The following PSMD14 variants were observed in gnomAD, a reference collection of about 807,000 sequenced individuals.
PSMD14 encodes ubiquitin C-terminal hydrolase PSMD14.
Under a neutral mutation model 41.2 loss-of-function variants are expected in PSMD14, and 7 were observed. That is an observed-to-expected ratio of 0.17 (90% CI 0.10 to 0.32). The LOEUF is 0.32. Among genes scored for constraint, PSMD14 ranks in the 10% least tolerant of loss-of-function variants. The pLI is 1.00. For synonymous variants in PSMD14, 114 were observed against 122.3 expected, an observed-to-expected ratio of 0.93 and a Z score of 0.45; for missense variants, 139 against 375.6, an observed-to-expected ratio of 0.37 and a Z score of 5.21.
intron 10 of PSMD14, among the ~76,000 whole-genome samples, chr2:161,400,525 A>G (rs2105270550): frequency 6.6e-6 from 1 of 152,284 alleles, no homozygotes; most frequent in East Asian, 1.9e-4. Flanking sequence ...TTTGAAAAAA[A>G]CCTCAAACTG....
intron 3 of PSMD14, among the ~76,000 whole-genome samples, chr2:161,343,335 C>T (rs149629704): frequency 1.1e-4 from 17 of 152,294 alleles, no homozygotes; most frequent in Admixed American, 2.0e-4. Flanking sequence ...CATTTTGTGA[C>T]TGGCCTAGCA....
chr2:161,389,912 T>TTTTTTTTTTTTTTA lies in PSMD14; in HGVS notation c.571-1192_571-1191insTTTTTTTTTTTTTA, dbSNP rs1299369817. ...TTGTTTTTTTTTTTTTTTTTTTTTTTAGAGATGGGGTATTGCTATGTTGTC... is the reference window on the plus strand; with the variant it reads ...TTGTTTTTTTTTTTTTTTTTTTTTTTTTTTTTTTTTTTTAAGAGATGGGGTATTGCTATGTTGTC... On this transcript the variant is annotated intron_variant, in intron 8 of 11. Transcript: ENST00000409682. Among the ~76,000 whole-genome samples, 7 of 130,286 alleles carry TTTTTTTTTTTTTTA rather than the reference T, an allele frequency of 5.4e-5. 1 individual carries two copies. Among genetic ancestry groups the TTTTTTTTTTTTTTA allele is most frequent in the African/African-American group, 2.3e-4 (7 of 30,572 alleles). The allele number at this position is 130,286 out of a possible 152,430, so 85.5% of individuals were successfully genotyped here.
chr2:161,375,715 T>C (rs1016288677), intron 7 of PSMD14, among the ~76,000 whole-genome samples: 4 of 151,816 alleles, frequency 2.6e-5, no homozygotes, highest in Non-Finnish European at 4.4e-5. Flanking sequence ...CTTTGGAGAA[T>C]AAATACAAAT....
intron 10 of PSMD14, among the ~76,000 whole-genome samples, chr2:161,405,373 C>CT (rs1353997522): frequency 6.6e-6 from 1 of 152,166 alleles, no homozygotes; most frequent in Non-Finnish European, 1.5e-5. Context: ...GTGCACACTC[C>CT]TTTTTTGTAT....
intron 9 of PSMD14, among the ~76,000 whole-genome samples, chr2:161,391,580 TTTTGTTTG>T (rs555585544): frequency 8.1e-4 from 123 of 152,150 alleles, no homozygotes; most frequent in African/African-American, 2.8e-3. Flanking sequence ...GTGTAGTGCT[TTTTGTTTG>T]TTTGTTTGTT....
intron 10 of PSMD14, among the ~76,000 whole-genome samples, chr2:161,402,902 A>G (rs1683899279): frequency 6.6e-6 from 1 of 152,194 alleles, no homozygotes; most frequent in Non-Finnish European, 1.5e-5. Context: ...AAATAATGAA[A>G]AATAACAAGT....
intron 3 of PSMD14, among the ~76,000 whole-genome samples, chr2:161,320,212 G>A (rs1414524323): frequency 1.3e-5 from 2 of 152,200 alleles, no homozygotes; most frequent in African/African-American, 4.8e-5. Context: ...AGGTGAAGAT[G>A]TTGCCTTAGA....
At chr2:161,399,878 CAAA>C (rs1252669954) in intron 10 of PSMD14, among the ~76,000 whole-genome samples, 1 of 152,054 alleles carries the variant, frequency 6.6e-6, no homozygotes, top group Non-Finnish European at 1.5e-5. Context: ...TAAAATTTCA[CAAA>C]AACATACAGA....
At chr2:161,365,322 CAGT>C (rs1294561834) in intron 3 of PSMD14, among the ~76,000 whole-genome samples, 1 of 152,122 alleles carries the variant, frequency 6.6e-6, no homozygotes, top group Non-Finnish European at 1.5e-5. Context: ...CATTGGCTTG[CAGT>C]AGTACCTTAA....
intron 3 of PSMD14, among the ~76,000 whole-genome samples, chr2:161,323,509 A>G (rs1162045731): frequency 6.6e-6 from 1 of 152,170 alleles, no homozygotes; most frequent in Non-Finnish European, 1.5e-5. Context: ...CTAAAAGTAC[A>G]AAAATCACCT....
At chr2:161,329,375 A>G (rs1682753424) in intron 3 of PSMD14, among the ~76,000 whole-genome samples, 2 of 152,162 alleles carry the variant, frequency 1.3e-5, no homozygotes, top group East Asian at 1.9e-4. Context: ...TGCTATAAGC[A>G]CTGGCATAGT....
chr2:161,366,257 C>A (rs1296503238), intron 3 of PSMD14, among the ~76,000 whole-genome samples: 1 of 151,866 alleles, frequency 6.6e-6, no homozygotes, highest in Non-Finnish European at 1.5e-5. Context: ...TTGATTTTTC[C>A]CACCACTTTG....
At chr2:161,315,587 T>C (rs185997176) in intron 1 of PSMD14, among the ~76,000 whole-genome samples, 15 of 152,272 alleles carry the variant, frequency 9.9e-5, no homozygotes, top group African/African-American at 3.6e-4. Flanking sequence ...GTAATAACTA[T>C]AATTTTTTTC....
chr2:161,409,744 C>T (rs1203816025), intron 11 of PSMD14: 1 of 151,978 alleles, frequency 6.6e-6, no homozygotes, highest in Non-Finnish European at 1.5e-5. Context: ...GCAGTAGGGG[C>T]AAAGGTCTGA....
chr2:161,386,321 G>A (rs1683635131), intron 8 of PSMD14, among the ~76,000 whole-genome samples: 1 of 151,768 alleles, frequency 6.6e-6, no homozygotes, highest in Non-Finnish European at 1.5e-5. Context: ...TACCATGTTT[G>A]GTTAAGTAGA....
At chr2:161,403,483 G>A (rs1683909111) in intron 10 of PSMD14, among the ~76,000 whole-genome samples, 1 of 152,146 alleles carries the variant, frequency 6.6e-6, no homozygotes, top group East Asian at 1.9e-4. Flanking sequence ...GGCACTAAAT[G>A]TGATTGAATC....
intron 7 of PSMD14, among the ~76,000 whole-genome samples, chr2:161,378,560 C>CT (rs1254603156): frequency 1.3e-5 from 2 of 151,888 alleles, no homozygotes; most frequent in Non-Finnish European, 2.9e-5. Context: ...GCCACTTACT[C>CT]TGTTACAGAA....
At chr2:161,320,455 C>T (rs969549491) in intron 3 of PSMD14, among the ~76,000 whole-genome samples, 13 of 152,022 alleles carry the variant, frequency 8.6e-5, no homozygotes, top group African/African-American at 2.9e-4. Context: ...ATTAATCAGC[C>T]ATTGTGTCCT....
intron 10 of PSMD14, among the ~76,000 whole-genome samples, chr2:161,405,957 G>A (rs1400607068): frequency 2.0e-5 from 3 of 152,094 alleles, no homozygotes; most frequent in East Asian, 1.9e-4. Context: ...GAAGACAGAT[G>A]TTGGAGTAGC....
Sources: gnomAD v4.1 joint callset for allele counts (sites outside exome capture counted in the v4.1 genomes callset) on GRCh38, gnomAD v4.1.1 for gene constraint, MANE v1.5 for transcripts, NCBI Gene and HGNC (gene_info 2026-07-23, HGNC 2026-07-21) for gene names.